PLEKHH2: variants seen among roughly 807,000 people sequenced by gnomAD.
The protein encoded by PLEKHH2 is pleckstrin homology domain-containing family H member 2.
Under a neutral mutation model 187.9 loss-of-function variants are expected in PLEKHH2, and 129 were observed. The ratio of observed to expected loss-of-function variants is 0.69; its 90% CI spans 0.59 to 0.79. The LOEUF (loss-of-function observed/expected upper bound fraction) is 0.79, where lower values mean the gene tolerates loss of function less well. Ranked by LOEUF, PLEKHH2 falls within the 30% of genes least tolerant of loss-of-function variation. The probability of loss-of-function intolerance (pLI) is 0.00; values close to 1 mark genes in which losing one functional copy is unlikely to be tolerated. For synonymous variants in PLEKHH2, 686 were observed against 605.6 expected (o/e 1.13, Z -1.95); for missense variants, 2,076 against 1,751.2 (o/e 1.19, Z -3.31).
At chr2:43,669,737 A>G (rs1172602886) in intron 2 of PLEKHH2, among the ~76,000 whole-genome samples, 2 of 151,888 alleles carry the variant, frequency 1.3e-5, no homozygotes, top group African/African-American at 4.8e-5. Flanking sequence ...ACGGAGTCTC[A>G]CTCTGTTGGC....
chr2:43,694,127 TCCTAGACCATTCC>T (rs1668970254), intron 4 of PLEKHH2, among the ~76,000 whole-genome samples: 1 of 152,142 alleles, frequency 6.6e-6, no homozygotes, highest in Non-Finnish European at 1.5e-5. Context: ...GACCCCTAAA[TCCTAGACCATTCC>T]CAGAAATGGC....
At chr2:43,743,691 G>A in intron 22 of PLEKHH2, 143 bp from the exon 23 acceptor site, 1 of 770,112 alleles carries the variant, frequency 1.3e-6, no homozygotes, top group Non-Finnish European at 1.9e-6. Context: ...TTCTCCAGAG[G>A]AGCTTTGGGA....
At chr2:43,653,268 A>T (rs1454303172) in intron 2 of PLEKHH2, among the ~76,000 whole-genome samples, 2 of 152,240 alleles carry the variant, frequency 1.3e-5, no homozygotes, top group Admixed American at 1.3e-4. Flanking sequence ...ATAGAGATCA[A>T]AGAAAAGATT....
chr2:43,644,734 G>A lies in PLEKHH2; in HGVS notation c.61G>A (p.Glu21Lys), dbSNP rs1430167040. The A allele has an allele frequency of 6.2e-7, 1 of 1,609,886 alleles. No individual in the cohort carries two copies. The highest frequency in any genetic ancestry group is 8.5e-7 in the Non-Finnish European group (1 of 1,176,986). ...VDWKERCVALESQLMKFRVQA... is the reference protein window; with the variant it reads ...VDWKERCVALKSQLMKFRVQA... ...TTGGAAGGAACGATGTGTAGCTCTGGAGTCCCAACTCATGAAATTTAGAGT... is the reference window on the plus strand; with the variant it reads ...TTGGAAGGAACGATGTGTAGCTCTGAAGTCCCAACTCATGAAATTTAGAGT... Residue 21 changes from glutamate (E) to lysine (K), a missense_variant, in exon 2 of 30, where the codon GAG becomes AAG. By Grantham distance (56) the Glu-to-Lys change is moderately conservative. Coordinates refer to ENST00000282406, the MANE Select transcript of PLEKHH2 (RefSeq NM_172069.4).
Position 43,695,182 on chromosome 2 carries a change from A to C in PLEKHH2, c.460A>C (p.Asn154His). 1 of 1,600,686 alleles carries C rather than the reference A, an allele frequency of 6.2e-7. No individual in the cohort carries two copies. Among genetic ancestry groups the C allele is most frequent in the South Asian group, 1.1e-5 (1 of 88,550 alleles). Residue 154 changes from asparagine (N) to histidine (H), a missense_variant, in exon 6 of 30, where the codon AAC (asparagine) becomes CAC (histidine). Asn to His is a moderately conservative substitution (Grantham distance 68). Coordinates refer to ENST00000282406, the MANE Select transcript of PLEKHH2 (RefSeq NM_172069.4). ...TCAGAATCTTCGTTTGATCAACCAAAACCAAACTGAAGAGATAAGAACAAT... is the reference window on the plus strand; with the variant it reads ...TCAGAATCTTCGTTTGATCAACCAACACCAAACTGAAGAGATAAGAACAAT... ...ENQNLRLINQ[N>H]QTEEIRTMQS...
chr2:43,738,509 G>C lies in PLEKHH2; in HGVS notation c.3112G>C (p.Gly1038Arg). The C allele has an allele frequency of 1.2e-6, 2 of 1,607,534 alleles. No individual in the cohort carries two copies. The highest frequency in any genetic ancestry group is 2.2e-5 in the South Asian group (2 of 90,412). The change falls in exon 20 of 30, where the codon GGA becomes CGA. Residue 1038 changes from glycine (G) to arginine (R), a missense_variant. Physicochemically the swap from Gly to Arg is moderately radical, Grantham distance 125. Coordinates refer to ENST00000282406, the MANE Select transcript of PLEKHH2 (RefSeq NM_172069.4). ...ACGAAGACAGCCACAGAATCAACCA[G>C]GACCATTGCAGGTAGATATTAATAT... Reference protein sequence around the residue: ...TRRRQPQNQPGPLQGWQLLAL... With the variant: ...TRRRQPQNQPRPLQGWQLLAL...
chr2:43,714,154 G>C (rs575123176), intron 15 of PLEKHH2, among the ~76,000 whole-genome samples: 67 of 152,260 alleles, frequency 4.4e-4, no homozygotes, highest in African/African-American at 1.6e-3. Context: ...ATCAAACCCT[G>C]AGAGTTTAAG....
chr2:43,763,055 T>C (rs1457845561), intron 28 of PLEKHH2, among the ~76,000 whole-genome samples: 1 of 152,206 alleles, frequency 6.6e-6, no homozygotes, highest in African/African-American at 2.4e-5. Flanking sequence ...TCTTTTGTGT[T>C]ATAGTCACTG....
At chr2:43,699,518 C>G in intron 7 of PLEKHH2, 129 bp from the exon 8 acceptor site, 2 of 1,112,166 alleles carry the variant, frequency 1.8e-6, no homozygotes, top group South Asian at 3.2e-5. Context: ...GCTGGGACTA[C>G]AGGTACACAC....
At chr2:43,724,946 C>T (rs574731949) in intron 16 of PLEKHH2, among the ~76,000 whole-genome samples, 2 of 152,270 alleles carry the variant, frequency 1.3e-5, no homozygotes, top group South Asian at 4.1e-4. Context: ...GGGTCATGGA[C>T]ACACACAGAC....
chr2:43,650,827 A>G (rs1418627435), intron 2 of PLEKHH2, among the ~76,000 whole-genome samples: 2 of 151,598 alleles, frequency 1.3e-5, no homozygotes, highest in African/African-American at 2.4e-5. Context: ...TTGTATTTTT[A>G]GTAGAGACGG....
At chr2:43,745,468 A>G (rs1671739008) in intron 23 of PLEKHH2, among the ~76,000 whole-genome samples, 1 of 152,244 alleles carries the variant, frequency 6.6e-6, no homozygotes, top group African/African-American at 2.4e-5. Flanking sequence ...GACTCTTTCC[A>G]TAAATTATAT....
At chr2:43,762,527 A>T in intron 28 of PLEKHH2, 137 bp downstream of exon 28, 1 of 596,394 alleles carries the variant, frequency 1.7e-6, no homozygotes, top group Non-Finnish European at 2.9e-6. Context: ...TGTCATGAAC[A>T]GTCATTTTAC....
In PLEKHH2 at chr2:43,710,584, C is replaced by CTTTTT. The variant is rs376851824; in HGVS notation, c.2301+29_2301+33dup. ...ACAAACAAACAGTTCAGGTACTTAA[C>CTTTTT]TTTTTTTTTTTTTTTTTTTTTTTTG... On this transcript the variant is annotated intron_variant, in intron 14 of 29. Coordinates refer to ENST00000282406, the MANE Select transcript of PLEKHH2 (RefSeq NM_172069.4). The CTTTTT allele has an allele frequency of 1.2e-3, 1,532 of 1,241,538 alleles. No individual in the cohort carries two copies. Among genetic ancestry groups the CTTTTT allele is most frequent in the South Asian group, 5.1e-3 (269 of 52,946 alleles). The allele number at this position is 1,241,538 out of a possible 1,614,324, so 76.9% of individuals were successfully genotyped here. A position where few individuals can be genotyped will look rare whatever the true frequency, so the allele number is the denominator to read the frequency against.
chr2:43,669,911 T>C (rs920280093), intron 2 of PLEKHH2, among the ~76,000 whole-genome samples: 4 of 152,000 alleles, frequency 2.6e-5, no homozygotes, highest in Non-Finnish European at 4.4e-5. Flanking sequence ...GTAAGGAAGA[T>C]ACAATATACA....
At chr2:43,759,839 G>C (rs1011147696) in intron 27 of PLEKHH2, among the ~76,000 whole-genome samples, 5 of 152,188 alleles carry the variant, frequency 3.3e-5, no homozygotes, top group East Asian at 1.9e-4. Context: ...CTTTGGGCAA[G>C]TCAGGTTACC....
In PLEKHH2 at chr2:43,712,144, G is replaced by A. The variant is rs190679997; in HGVS notation, c.2302-81G>A. The A allele has an allele frequency of 1.9e-4, 290 of 1,516,392 alleles. 2 individuals are homozygous for A. The East Asian group carries it at 5.4e-3, about 28-fold the overall frequency. 93.9% of individuals were successfully genotyped at this position (1,516,392 alleles called of 1,614,324 possible). ...GTTTGCTTCTGTGTTAAGTAATGAC[G>A]TTTGAATAATGAACAAGGAAATGCT... On this transcript the variant is annotated intron_variant, in intron 14 of 29. Transcript: ENST00000282406.
In PLEKHH2 at chr2:43,695,221, C is replaced by G. The variant is rs1247130881; in HGVS notation, c.499C>G (p.Gln167Glu). Reference protein sequence around the residue: ...EEIRTMQSKLQEVQGKKSSTV... With the variant: ...EEIRTMQSKLEEVQGKKSSTV... ...GATAAGAACAATGCAGTCAAAACTA[C>G]AAGGTACAAATACTTTACTAAGATA... The change falls in exon 6 of 30, where the codon CAA becomes GAA. Residue 167 changes from glutamine (Q) to glutamate (E), a missense_variant. By Grantham distance (29) the Gln-to-Glu change is conservative. Transcript: ENST00000282406. 3.2e-6 allele frequency: 5 copies of G among 1,567,012 alleles called. No homozygotes were observed. The highest frequency in any genetic ancestry group is 4.4e-6 in the Non-Finnish European group (5 of 1,146,156).
chr2:43,676,240 T>A, intron 2 of PLEKHH2: 2 of 1,613,986 alleles, frequency 1.2e-6, no homozygotes, highest in Non-Finnish European at 1.7e-6. Flanking sequence ...AATGTGAATT[T>A]GGCCAAACAT....
Sources: allele counts gnomAD v4.1 joint callset (sites outside exome capture counted in the v4.1 genomes callset), GRCh38; gene constraint gnomAD v4.1.1; transcripts MANE v1.5; gene names NCBI Gene and HGNC (gene_info 2026-07-23, HGNC 2026-07-21).